ZNF469: variants seen among roughly 807,000 people sequenced by gnomAD.
The protein encoded by ZNF469 is zinc finger protein 469.
A neutral mutation model predicts 1.0 loss-of-function variants in ZNF469; 1 was observed. That is an observed-to-expected ratio of 1.00 (90% CI 0.35 to 4.73). The LOEUF is 4.73. ZNF469 is among the 30% of genes most tolerant of loss of function. The probability of loss-of-function intolerance (pLI) is 0.16; values close to 1 mark genes in which losing one functional copy is unlikely to be tolerated. For missense variants in ZNF469, 6,100 were observed against 5,356.3 expected, an observed-to-expected ratio of 1.14 and a Z score of -4.33; for synonymous variants, 2,703 against 2,363.4, an observed-to-expected ratio of 1.14 and a Z score of -4.17.
the ZNF469 span, among the ~76,000 whole-genome samples, chr16:88,342,710 G>T: frequency 2.6e-5 from 4 of 152,204 alleles, no homozygotes; most frequent in Non-Finnish European, 5.9e-5. Context: ...CGGTGGGCCT[G>T]CTTCTTTTCA....
At chr16:88,172,364 A>G in the ZNF469 span, among the ~76,000 whole-genome samples, 1 of 152,206 alleles carries the variant, frequency 6.6e-6, no homozygotes, top group Non-Finnish European at 1.5e-5. Context: ...TGGAAAGACT[A>G]TATAATATGA....
chr16:88,306,978 C>T, the ZNF469 span, among the ~76,000 whole-genome samples: 5 of 152,316 alleles, frequency 3.3e-5, no homozygotes, highest in Non-Finnish European at 5.9e-5. Context: ...AAACTCCAGG[C>T]CCTTTATCAT....
chr16:88,149,633 G>A, the ZNF469 span, among the ~76,000 whole-genome samples: 1 of 152,142 alleles, frequency 6.6e-6, no homozygotes, highest in African/African-American at 2.4e-5. Context: ...TCTCACCACT[G>A]AAGAACCCCC....
At chr16:88,344,663 T>C in the ZNF469 span, among the ~76,000 whole-genome samples, 1 of 152,216 alleles carries the variant, frequency 6.6e-6, no homozygotes, top group Non-Finnish European at 1.5e-5. Context: ...TCTCTGGGCC[T>C]GTGACCACAG....
chr16:88,254,707 A>C, the ZNF469 span, among the ~76,000 whole-genome samples: 58 of 152,274 alleles, frequency 3.8e-4, no homozygotes, highest in African/African-American at 1.3e-3. Flanking sequence ...GCAGTGAGCC[A>C]AGATTGCATC....
the ZNF469 span, among the ~76,000 whole-genome samples, chr16:88,114,694 A>G: frequency 6.6e-6 from 1 of 152,192 alleles, no homozygotes; most frequent in African/African-American, 2.4e-5. Flanking sequence ...AGCCTGGTGA[A>G]GGCGGGCCTG....
Position 88,429,776 on chromosome 16 carries a change from GC to G in ZNF469, c.2312del (p.Pro771LeufsTer29). 3 of 1,544,288 alleles carry G rather than the reference GC, an allele frequency of 1.9e-6. No homozygotes were observed. Among genetic ancestry groups the G allele is most frequent in the Non-Finnish European group, 8.7e-7 (1 of 1,144,448 alleles). On this transcript the variant is annotated frameshift_variant, in exon 3 of 3. Coordinates refer to ENST00000565624, the MANE Select transcript of ZNF469 (RefSeq NM_001367624.2). LOFTEE classifies it low-confidence loss of function (END_TRUNC). ...AAGGATGGCCACCAGCGGTCTCCAG[GC>G]CCCCCTGGGCTCCCCTCGCCCCCCG... The part of the protein sequence containing the change: ...RAKDGHQRSP[G>X]PPGLPSPPAA...
the ZNF469 span, among the ~76,000 whole-genome samples, chr16:88,239,732 T>TAGTAGAGACAGGG: frequency 1.3e-5 from 1 of 79,044 alleles, no homozygotes; most frequent in African/African-American, 5.3e-5. Flanking sequence ...TTTTTTTTTT[T>TAGTAGAGACAGGG]TTTTTTTTTA....
the ZNF469 span, among the ~76,000 whole-genome samples, chr16:88,315,480 T>C: frequency 6.6e-6 from 1 of 152,186 alleles, no homozygotes; most frequent in Non-Finnish European, 1.5e-5. Context: ...GAGATGAAGC[T>C]TCTGTTTGTT....
chr16:88,194,124 C>T, the ZNF469 span, among the ~76,000 whole-genome samples: 1 of 152,206 alleles, frequency 6.6e-6, no homozygotes, highest in East Asian at 1.9e-4. Context: ...CCCCCTCCGC[C>T]ACACAAACCT....
chr16:88,432,333 G>T lies in ZNF469; in HGVS notation c.4863G>T (p.Thr1621=), dbSNP rs778048230. 5.2e-5 allele frequency: 80 copies of T among 1,548,082 alleles called. No individual in the cohort carries two copies. The highest frequency in any genetic ancestry group is 6.7e-5 in the Non-Finnish European group (77 of 1,146,894). The part of the protein sequence containing the change: ...TCQATVPHED[T]FSAADLTRVG... Reference sequence around the variant, plus strand: ...AGGCCACCGTGCCCCACGAGGACACGTTCTCGGCAGCTGACCTCACGCGCG... The same window carrying T: ...AGGCCACCGTGCCCCACGAGGACACTTTCTCGGCAGCTGACCTCACGCGCG... Residue 1621 remains threonine, a synonymous_variant, in exon 3 of 3, where the codon ACG becomes ACT. Transcript: ENST00000565624.
chr16:88,198,911 G>A, the ZNF469 span, among the ~76,000 whole-genome samples: 2 of 152,254 alleles, frequency 1.3e-5, no homozygotes, highest in African/African-American at 4.8e-5. Context: ...CAAGCCACCC[G>A]AGGCGAGGGC....
chr16:88,238,125 A>C, the ZNF469 span, among the ~76,000 whole-genome samples: 172 of 152,152 alleles, frequency 1.1e-3, no homozygotes, highest in African/African-American at 4.0e-3. Flanking sequence ...TCTAATTTTC[A>C]CCTGTTTCTC....
At chr16:88,220,149 A>G in the ZNF469 span, among the ~76,000 whole-genome samples, 46,788 of 151,908 alleles carry the variant, frequency 0.31, 7,758 homozygotes, top group Non-Finnish European at 0.35. Context: ...CCTCATTCCC[A>G]CCCAGAACCT....
Position 88,440,641 on chromosome 16 carries a change from T to C in ZNF469, c.*1309T>C, listed in dbSNP as rs1377272638. ...CCTCTCTGGAAGGTGTTGTAGGCCA[T>C]TCAAAACGCCTCCGGAGTGTCGCAA... is the stretch of plus-strand genomic sequence containing the variant. On this transcript the variant is annotated 3_prime_UTR_variant, in exon 3 of 3. Transcript: ENST00000565624. 6.6e-6 allele frequency: 1 copy of C among 152,168 alleles called. No individual in the cohort carries two copies. The highest frequency in any genetic ancestry group is 1.9e-4 in the East Asian group (1 of 5,200). The allele number at this position is 152,168 out of a possible 1,614,324, so 9.4% of individuals were successfully genotyped here. A position where few individuals can be genotyped will look rare whatever the true frequency, so the allele number is the denominator to read the frequency against.
At chr16:88,417,730 A>G (rs1339466094) in intron 1 of ZNF469, among the ~76,000 whole-genome samples, 1 of 152,120 alleles carries the variant, frequency 6.6e-6, no homozygotes, top group African/African-American at 2.4e-5. Context: ...CTCCAAAGTC[A>G]TTTCTGGACA....
Position 88,428,765 on chromosome 16 carries a change from C to G in ZNF469, c.1295C>G (p.Pro432Arg). 6.5e-7 allele frequency: 1 copy of G among 1,545,612 alleles called. No individual in the cohort carries two copies. The highest frequency in any genetic ancestry group is 8.7e-7 in the Non-Finnish European group (1 of 1,145,768). Residue 432 changes from proline to arginine, a missense_variant, in exon 3 of 3, where the codon CCC becomes CGC. By Grantham distance (103) the Pro-to-Arg change is moderately radical. Transcript: ENST00000565624. ...PPDTELAAPG[P>R]PPARLPQLWD... ...GACACCGAGCTGGCCGCCCCAGGGC[C>G]CCCACCCGCCAGGCTGCCCCAGCTG...
chr16:88,433,424 T>TG lies in ZNF469; in HGVS notation c.5955dup (p.Leu1986AlafsTer77). On this transcript the variant is annotated frameshift_variant, in exon 3 of 3. Coordinates refer to ENST00000565624, the MANE Select transcript of ZNF469 (RefSeq NM_001367624.2). LOFTEE classifies it low-confidence loss of function (END_TRUNC). The stretch of plus-strand genomic sequence containing the variant: ...CTGGAGGCAGATGGACATTGGGGCT[T>TG]GCTTGGCCAAGCCGAGAAAACCCAG... 6.5e-7 allele frequency: 1 copy of TG among 1,550,334 alleles called. No individual in the cohort carries two copies. The highest frequency in any genetic ancestry group is 8.7e-7 in the Non-Finnish European group (1 of 1,146,950).
the ZNF469 span, among the ~76,000 whole-genome samples, chr16:88,209,292 C>CT: frequency 9.9e-4 from 145 of 146,990 alleles, no homozygotes; most frequent in East Asian, 9.5e-3. Context: ...TTTCTTTTTT[C>CT]TTTTTTTTTT....
Sources: allele counts gnomAD v4.1 joint callset (sites outside exome capture counted in the v4.1 genomes callset), GRCh38; gene constraint gnomAD v4.1.1; transcripts MANE v1.5; gene names NCBI Gene and HGNC (gene_info 2026-07-23, HGNC 2026-07-21).